Variants in PLCE1 observed in about 807,000 individuals in gnomAD.
The protein encoded by PLCE1 is phospholipase C epsilon 1, also known as 1-phosphatidylinositol 4,5-bisphosphate phosphodiesterase epsilon-1.
Under a neutral mutation model 242.8 loss-of-function variants are expected in PLCE1, and 119 were observed. The observed-to-expected ratio is 0.49, with a 90% confidence interval of 0.42 to 0.57. The LOEUF (loss-of-function observed/expected upper bound fraction) is 0.57, where lower values mean the gene tolerates loss of function less well. Among genes scored for constraint, PLCE1 ranks in the 20% least tolerant of loss-of-function variants. The probability of loss-of-function intolerance (pLI) is 0.00; values close to 1 mark genes in which losing one functional copy is unlikely to be tolerated. For synonymous variants in PLCE1, 945 were observed against 1,017.4 expected (o/e 0.93, Z 1.35); for missense variants, 2,441 against 2,788.8 (o/e 0.88, Z 2.81).
chr10:94,035,961 T>C (rs2061655709), intron 2 of PLCE1, among the ~76,000 whole-genome samples: 1 of 152,246 alleles, frequency 6.6e-6, no homozygotes, highest in Middle Eastern at 3.4e-3. Context: ...TCTGCATTAT[T>C]TTACTCTCCA....
intron 6 of PLCE1, 141 bp downstream of exon 6, chr10:94,234,453 A>G: frequency 1.1e-6 from 1 of 924,072 alleles, no homozygotes; most frequent in Non-Finnish European, 1.7e-6. Context: ...GGTAGCACAT[A>G]GATCCTTGGA....
rs1206629802 is a variant in PLCE1 at position 94,209,493 on chromosome 10, A to G, written c.1810-17813A>G. On this transcript the variant is annotated intron_variant, in intron 4 of 32. Transcript: ENST00000371380. ...CAACTCATAGCAAAACTTGCTTTGCAGATCTCAATTTGCCTATAGTACCTC... is the reference window on the plus strand; with the variant it reads ...CAACTCATAGCAAAACTTGCTTTGCGGATCTCAATTTGCCTATAGTACCTC... Among the ~76,000 whole-genome samples, 8 of 152,234 alleles carry G rather than the reference A, an allele frequency of 5.3e-5. No homozygotes were observed. In the East Asian group the frequency reaches 1.5e-3, roughly 29 times the overall value.
At chr10:94,260,556 T>A (rs1187594968) in intron 13 of PLCE1, among the ~76,000 whole-genome samples, 1 of 152,126 alleles carries the variant, frequency 6.6e-6, no homozygotes, top group African/African-American at 2.4e-5. Flanking sequence ...TCCATAACCA[T>A]GGATTAGTCA....
chr10:94,198,517 C>T (rs1252713401), intron 4 of PLCE1, among the ~76,000 whole-genome samples: 1 of 152,158 alleles, frequency 6.6e-6, no homozygotes, highest in Non-Finnish European at 1.5e-5. Flanking sequence ...CATACAGTTG[C>T]GTAATGACCA....
At chr10:94,233,672 G>A (rs2050219587) in intron 5 of PLCE1, among the ~76,000 whole-genome samples, 1 of 152,200 alleles carries the variant, frequency 6.6e-6, no homozygotes, top group African/African-American at 2.4e-5. Context: ...TTGGGGCTGG[G>A]CGCGGTGGCT....
At chr10:94,152,578 A>C (rs2047308970) in intron 3 of PLCE1, among the ~76,000 whole-genome samples, 1 of 152,196 alleles carries the variant, frequency 6.6e-6, no homozygotes, top group Admixed American at 6.5e-5. Context: ...TTAGTTAACT[A>C]CCTGTGAATA....
At position 94,197,340 on chromosome 10, in the gene PLCE1, G is replaced by A. The variant is rs145486879; in HGVS notation, c.1809+25844G>A. Among the ~76,000 whole-genome samples the A allele has an allele frequency of 7.8e-3, 1,181 of 152,278 alleles. 6 individuals are homozygous for A. Among genetic ancestry groups the A allele is most frequent in the Non-Finnish European group, 0.011 (746 of 68,024 alleles). On this transcript the variant is annotated intron_variant, in intron 4 of 32. Coordinates refer to ENST00000371380, the MANE Select transcript of PLCE1 (RefSeq NM_016341.4). ...GAGCATATGTTTTTATTTATCTTGA[G>A]TATGTACCTAGGAGTGGAATTGCTG...
Position 94,328,101 on chromosome 10 carries a change from A to G in PLCE1, c.*158A>G. 1 of 416,194 alleles carries G rather than the reference A, an allele frequency of 2.4e-6. No individual in the cohort carries two copies. The highest frequency in any genetic ancestry group is 2.7e-5 in the Admixed American group (1 of 36,454). The allele number at this position is 416,194 out of a possible 1,614,324, so 25.8% of individuals were successfully genotyped here. A position where few individuals can be genotyped will look rare whatever the true frequency, so the allele number is the denominator to read the frequency against. Reference sequence around the variant, plus strand: ...ACATGTGAGATCCATGCTGAGGAGAAGCAAAATGGCACAGGGCTAGTTGCC... The same window carrying G: ...ACATGTGAGATCCATGCTGAGGAGAGGCAAAATGGCACAGGGCTAGTTGCC... On this transcript the variant is annotated 3_prime_UTR_variant, in exon 33 of 33. Transcript: ENST00000371380.
At chr10:94,207,578 G>C (rs1201742854) in intron 4 of PLCE1, among the ~76,000 whole-genome samples, 1 of 150,488 alleles carries the variant, frequency 6.6e-6, no homozygotes, top group African/African-American at 2.5e-5. Context: ...TTCAAGCTCT[G>C]TCTGTCTAGG....
chr10:94,169,169 G>A (rs1590172717), intron 3 of PLCE1, among the ~76,000 whole-genome samples: 1 of 152,158 alleles, frequency 6.6e-6, no homozygotes, highest in Non-Finnish European at 1.5e-5. Context: ...CATTGGTTTA[G>A]TAATTTGGCC....
At chr10:94,222,912 G>C (rs1426678380) in intron 4 of PLCE1, among the ~76,000 whole-genome samples, 2 of 152,150 alleles carry the variant, frequency 1.3e-5, no homozygotes, top group Non-Finnish European at 2.9e-5. Context: ...GTTTACAAGG[G>C]ATAAATTATC....
intron 2 of PLCE1, among the ~76,000 whole-genome samples, chr10:94,039,886 GCTGT>G (rs2061733104): frequency 6.6e-6 from 1 of 152,090 alleles, no homozygotes; most frequent in Non-Finnish European, 1.5e-5. Flanking sequence ...TTTAAATTGA[GCTGT>G]CTTTTTTATT....
chr10:94,016,343 G>A (rs1201844495), intron 1 of PLCE1, among the ~76,000 whole-genome samples: 1 of 151,994 alleles, frequency 6.6e-6, no homozygotes. Context: ...TGGAATATTT[G>A]CATTATACAT....
intron 11 of PLCE1, among the ~76,000 whole-genome samples, chr10:94,256,808 A>G (rs945379573): frequency 6.6e-6 from 1 of 152,212 alleles, no homozygotes; most frequent in Admixed American, 6.5e-5. Context: ...GTTTTAAAAC[A>G]GAAAGAAAAC....
chr10:94,203,109 A>G (rs776290628), intron 4 of PLCE1, among the ~76,000 whole-genome samples: 1 of 152,196 alleles, frequency 6.6e-6, no homozygotes, highest in Non-Finnish European at 1.5e-5. Context: ...TTCTCAATTT[A>G]CAGGATTTGG....
In PLCE1 at chr10:94,214,616, C is replaced by T. The variant is rs145687983; in HGVS notation, c.1810-12690C>T. ...GGAATGTACGCCAACACAGGCACAC[C>T]ATTTTATTCCCTTCCGCTCTGTCCT... On this transcript the variant is annotated intron_variant, in intron 4 of 32. Coordinates refer to ENST00000371380, the MANE Select transcript of PLCE1 (RefSeq NM_016341.4). Among the ~76,000 whole-genome samples, 103 of 152,312 alleles carry T rather than the reference C, an allele frequency of 6.8e-4. 1 individual carries two copies. The East Asian group carries it at 0.018, about 27-fold the overall frequency.
At position 94,095,955 on chromosome 10, in the gene PLCE1, G is replaced by A. The variant is rs2045291813; in HGVS notation, c.1207-36219G>A. The stretch of plus-strand genomic sequence containing the variant: ...GGACAATATCATCAGGGGTCTTCAG[G>A]CTACAAGGCAGATCTGGAGTTGAGG... On this transcript the variant is annotated intron_variant, in intron 2 of 32. Transcript: ENST00000371380. Among the ~76,000 whole-genome samples the A allele has an allele frequency of 1.3e-5, 2 of 152,156 alleles. 1 individual carries two copies. The highest frequency in any genetic ancestry group is 4.1e-4 in the South Asian group (2 of 4,824).
In PLCE1 at chr10:94,133,243, C is replaced by T. The variant is rs116461217; in HGVS notation, c.1492+784C>T. 2.6e-3 allele frequency among the ~76,000 whole-genome samples: 397 copies of T among 152,288 alleles called. 2 individuals are homozygous for T. Among genetic ancestry groups the T allele is most frequent in the African/African-American group, 9.1e-3 (380 of 41,558 alleles). Reference sequence around the variant, plus strand: ...AAGGCCATCTTCCAGCTACTCCCATCTTAAAGGACAAGATAGGCAGGCATC... The same window carrying T: ...AAGGCCATCTTCCAGCTACTCCCATTTTAAAGGACAAGATAGGCAGGCATC... On this transcript the variant is annotated intron_variant, in intron 3 of 32. Coordinates refer to ENST00000371380, the MANE Select transcript of PLCE1 (RefSeq NM_016341.4).
chr10:94,025,317 G>T (rs1253500159), intron 1 of PLCE1, among the ~76,000 whole-genome samples: 3 of 152,050 alleles, frequency 2.0e-5, no homozygotes, highest in African/African-American at 7.2e-5. Flanking sequence ...CATATGCTTA[G>T]GTCAAATTCA....
Sources: allele counts gnomAD v4.1 joint callset (sites outside exome capture counted in the v4.1 genomes callset), GRCh38; gene constraint gnomAD v4.1.1; transcripts MANE v1.5; gene names NCBI Gene and HGNC (gene_info 2026-07-23, HGNC 2026-07-21).